The following ERC2 variants were observed in gnomAD, a reference collection of about 807,000 sequenced individuals.
ERC2 encodes ERC protein 2.
A neutral mutation model predicts 114.8 loss-of-function variants in ERC2; 42 were observed. The ratio of observed to expected loss-of-function variants is 0.37; its 90% confidence interval spans 0.29 to 0.47. The LOEUF is 0.47. Ranked by LOEUF, ERC2 falls within the 20% of genes least tolerant of loss-of-function variation. The pLI, the probability that ERC2 is intolerant of heterozygous loss-of-function variation, is 0.99. For synonymous variants in ERC2, 454 were observed against 425.5 expected (o/e 1.07, Z -0.82); for missense variants, 939 against 1,150.7 (o/e 0.82, Z 2.66).
intron 17 of ERC2, chr3:55,658,042 A>T (rs1222185212): frequency 1.3e-5 from 2 of 152,164 alleles, no homozygotes; most frequent in Non-Finnish European, 2.9e-5. Flanking sequence ...TAAGGGATGC[A>T]ATTTCTATTC....
rs141187846 is a variant in ERC2 at position 56,071,355 on chromosome 3, C to T, written c.1641+9462G>A. 4.8e-3 allele frequency among the ~76,000 whole-genome samples: 738 copies of T among 152,268 alleles called. 7 individuals are homozygous for T. Among genetic ancestry groups the T allele is most frequent in the African/African-American group, 0.017 (696 of 41,548 alleles). On this transcript the variant is annotated intron_variant, in intron 7 of 17. Transcript: ENST00000288221. ...GCTCTGTCACTAATTAGCTCCATGA[C>T]CCTACATAAGTCACATCATCCCTCA... is the stretch of plus-strand genomic sequence containing the variant.
intron 14 of ERC2, among the ~76,000 whole-genome samples, chr3:55,834,580 A>C (rs2060782962): frequency 6.6e-6 from 1 of 151,762 alleles, no homozygotes; most frequent in Non-Finnish European, 1.5e-5. Flanking sequence ...AAGACACAAC[A>C]TACAAGAATC....
chr3:55,660,604 G>T (rs2061086138), intron 17 of ERC2, among the ~76,000 whole-genome samples: 1 of 152,154 alleles, frequency 6.6e-6, no homozygotes, highest in African/African-American at 2.4e-5. Context: ...GTGATGAAAG[G>T]CATTCTTAGT....
chr3:56,319,582 T>C (rs886512521), intron 2 of ERC2, among the ~76,000 whole-genome samples: 2 of 152,150 alleles, frequency 1.3e-5, no homozygotes, highest in Admixed American at 6.5e-5. Context: ...CTAACCATAT[T>C]GTATTGTACA....
chr3:55,628,687 T>A (rs1474112236), intron 17 of ERC2, among the ~76,000 whole-genome samples: 2 of 152,046 alleles, frequency 1.3e-5, no homozygotes, highest in African/African-American at 4.8e-5. Flanking sequence ...TGGGAAAATG[T>A]CATTGAAAAA....
chr3:55,997,882 T>TAG (rs200242237), intron 10 of ERC2, among the ~76,000 whole-genome samples: 1 of 12,626 alleles, frequency 7.9e-5, no homozygotes, highest in African/African-American at 1.5e-4. Context: ...TTAATTCTGT[T>TAG]TTTTTTTTTT....
chr3:55,811,392 G>T (rs1235862039), intron 14 of ERC2, among the ~76,000 whole-genome samples: 4 of 152,132 alleles, frequency 2.6e-5, no homozygotes, highest in African/African-American at 9.7e-5. Flanking sequence ...AACAAGGGCA[G>T]GCGTTATTTT....
At position 55,548,144 on chromosome 3, in the gene ERC2, C is replaced by CT. The variant is rs1376580068; in HGVS notation, c.*40-36869_*40-36868insA. On this transcript the variant is annotated intron_variant, in intron 17 of 17. Transcript: ENST00000288221. The stretch of plus-strand genomic sequence containing the variant: ...GGATTTTAGATGCACTTGTTGAATG[C>CT]CAGGCTGAAGTGACCTGTGGCCCCT... 3.9e-5 allele frequency among the ~76,000 whole-genome samples: 6 copies of CT among 152,182 alleles called. 1 individual carries two copies. In the South Asian group the frequency reaches 1.0e-3, roughly 26 times the overall value.
At chr3:55,518,912 A>G (rs2052714903) in intron 17 of ERC2, among the ~76,000 whole-genome samples, 1 of 152,214 alleles carries the variant, frequency 6.6e-6, no homozygotes, top group African/African-American at 2.4e-5. Context: ...AGTTAAAATA[A>G]CCAAAGGTTT....
chr3:56,205,581 G>A (rs1290386798), intron 3 of ERC2, among the ~76,000 whole-genome samples: 3 of 152,198 alleles, frequency 2.0e-5, no homozygotes, highest in African/African-American at 7.2e-5. Flanking sequence ...CTGTGGTTCA[G>A]ACAAACTATT....
chr3:55,753,198 G>A (rs906444719), intron 14 of ERC2, among the ~76,000 whole-genome samples: 3 of 152,084 alleles, frequency 2.0e-5, no homozygotes, highest in South Asian at 2.1e-4. Flanking sequence ...TGAGAAAGGG[G>A]AGAGAAGTCT....
intron 7 of ERC2, among the ~76,000 whole-genome samples, chr3:56,079,188 A>G (rs1420972337): frequency 3.9e-5 from 6 of 152,308 alleles, no homozygotes; most frequent in Middle Eastern, 6.8e-3. Flanking sequence ...ATTTTCATTT[A>G]CCTGATATGT....
At chr3:56,300,615 ATTTG>A in intron 2 of ERC2, among the ~76,000 whole-genome samples, 1 of 152,254 alleles carries the variant, frequency 6.6e-6, no homozygotes. Flanking sequence ...TCTGTATATC[ATTTG>A]TAATACCACA....
At chr3:56,058,006 G>T (rs903042784) in intron 7 of ERC2, among the ~76,000 whole-genome samples, 1 of 152,048 alleles carries the variant, frequency 6.6e-6, no homozygotes, top group African/African-American at 2.4e-5. Flanking sequence ...ATTATTATTT[G>T]TCAGGTATCC....
intron 17 of ERC2, among the ~76,000 whole-genome samples, chr3:55,553,825 A>C (rs1340049397): frequency 6.6e-6 from 1 of 152,176 alleles, no homozygotes; most frequent in Non-Finnish European, 1.5e-5. Context: ...CTCACAGCCA[A>C]GCATCGGCAT....
chr3:55,805,886 T>G (rs2059468118), intron 14 of ERC2, among the ~76,000 whole-genome samples: 1 of 152,152 alleles, frequency 6.6e-6, no homozygotes, highest in African/African-American at 2.4e-5. Context: ...ACGGCCACTT[T>G]TTGTCACCCA....
chr3:56,054,395 A>C (rs2075909450), intron 7 of ERC2, among the ~76,000 whole-genome samples: 1 of 152,234 alleles, frequency 6.6e-6, no homozygotes, highest in African/African-American at 2.4e-5. Context: ...CCCAATTTTG[A>C]GATAACATAT....
At chr3:56,166,829 C>CA (rs1389526932) in intron 4 of ERC2, among the ~76,000 whole-genome samples, 2 of 151,894 alleles carry the variant, frequency 1.3e-5, no homozygotes, top group Non-Finnish European at 1.5e-5. Flanking sequence ...TGAATCTCTT[C>CA]AAAAAAACAG....
intron 14 of ERC2, among the ~76,000 whole-genome samples, chr3:55,810,465 C>CTT (rs11318195): frequency 6.8e-6 from 1 of 146,420 alleles, no homozygotes; most frequent in Non-Finnish European, 1.5e-5. Flanking sequence ...CTCTCTCCCT[C>CTT]TTTTTTTTTT....
Sources: gnomAD v4.1 joint callset for allele counts (sites outside exome capture counted in the v4.1 genomes callset) on GRCh38, gnomAD v4.1.1 for gene constraint, MANE v1.5 for transcripts, NCBI Gene and HGNC (gene_info 2026-07-23, HGNC 2026-07-21) for gene names.